The following CDH26 variants were observed in gnomAD, a reference collection of about 807,000 sequenced individuals.
CDH26 encodes cadherin 26.
Under a neutral mutation model 90.3 loss-of-function variants are expected in CDH26, and 83 were observed. The ratio of observed to expected loss-of-function variants is 0.92; its 90% CI spans 0.77 to 1.10. The LOEUF is 1.10. CDH26 is among the 50% of genes least tolerant of loss of function. The pLI, the probability that CDH26 is intolerant of heterozygous loss-of-function variation, is 0.00. For missense variants in CDH26, 1,013 were observed against 1,037.6 expected, an observed-to-expected ratio of 0.98 and a Z score of 0.33; for synonymous variants, 397 against 396.3, an observed-to-expected ratio of 1.00 and a Z score of -0.02.
At chr20:60,023,980 A>G (rs1343874283) in intron 7 of CDH26, among the ~76,000 whole-genome samples, 1 of 151,784 alleles carries the variant, frequency 6.6e-6, no homozygotes. Context: ...AGAGAGAGAG[A>G]GAGAGAGAAA....
rs2061866467 is a variant in CDH26 at position 60,012,858 on chromosome 20, A to G, written c.*128A>G. Reference sequence around the variant, plus strand: ...TACCTTCTAGTCCTAGGATGAGGACACACTATTAGTTTGAATTAAATGCTT... The same window carrying G: ...TACCTTCTAGTCCTAGGATGAGGACGCACTATTAGTTTGAATTAAATGCTT... On this transcript the variant is annotated 3_prime_UTR_variant, in exon 18 of 18. Transcript: ENST00000348616. The G allele has an allele frequency of 2.5e-6, 2 of 790,546 alleles. No homozygotes were observed. The highest frequency in any genetic ancestry group is 1.9e-5 in the South Asian group (1 of 53,966). The allele number at this position is 790,546 out of a possible 1,614,324, so 49.0% of individuals were successfully genotyped here. A position where few individuals can be genotyped will look rare whatever the true frequency, so the allele number is the denominator to read the frequency against.
chr20:60,004,765 C>CAA (rs140015980), intron 16 of CDH26, among the ~76,000 whole-genome samples: 9 of 48,060 alleles, frequency 1.9e-4, no homozygotes, highest in South Asian at 7.9e-4. Flanking sequence ...GACTCCATCT[C>CAA]AAAAAAAAAA....
At chr20:60,026,390 TAG>T (rs60922926) in intron 7 of CDH26, among the ~76,000 whole-genome samples, 44,129 of 138,952 alleles carry the variant, frequency 0.32, 7,382 homozygotes, top group Non-Finnish European at 0.39. Context: ...TGGCTGGAGT[TAG>T]AGAGAGAGAG....
chr20:59,977,805 A>G (rs1243871448), intron 4 of CDH26, among the ~76,000 whole-genome samples: 2 of 152,152 alleles, frequency 1.3e-5, no homozygotes, highest in African/African-American at 4.8e-5. Context: ...CATAGTTTAC[A>G]TTAGGCTTCA....
At position 59,985,153 on chromosome 20, in the gene CDH26, C is replaced by A. The variant is rs112928115; in HGVS notation, c.837+24C>A. The A allele has an allele frequency of 2.2e-5, 36 of 1,611,472 alleles. No individual in the cohort carries two copies. The South Asian group carries it at 3.1e-4, about 14-fold the overall frequency. ...ACGTGAGGCTCCTGGGCCGCCCCAA[C>A]GTCTAAGCCCCAAAACAAGTAGCCC... is the stretch of plus-strand genomic sequence containing the variant. On this transcript the variant is annotated intron_variant, in intron 7 of 17. Transcript: ENST00000348616.
rs751500342 is a variant in CDH26 at position 59,992,381 on chromosome 20, T to C, written c.1287T>C (p.Tyr429=). Reference sequence around the variant, plus strand: ...CTGTCCGTTTTCCTTCTACAAGATATGAACTGGTTCATGACCCAGCAAATT... The same window carrying C: ...CTGTCCGTTTTCCTTCTACAAGATACGAACTGGTTCATGACCCAGCAAATT... ...NAMDPDSQIR[Y]ELVHDPANWV... The change falls in exon 10 of 18, where the codon TAT becomes TAC. Residue 429 remains tyrosine, a synonymous_variant. Coordinates refer to ENST00000348616, the MANE Select transcript of CDH26 (RefSeq NM_177980.4). The surrounding 1 kb of genome is among the most constrained non-coding windows in gnomAD (Gnocchi z 5.0). 2.5e-6 allele frequency: 4 copies of C among 1,613,584 alleles called. No homozygotes were observed. The highest frequency in any genetic ancestry group is 4.5e-5 in the East Asian group (2 of 44,888).
intron 7 of CDH26, among the ~76,000 whole-genome samples, 164 bp from the exon 8 acceptor site, chr20:59,987,289 G>A (rs2061470906): frequency 6.6e-6 from 1 of 152,166 alleles, no homozygotes; most frequent in Non-Finnish European, 1.5e-5. Flanking sequence ...CCTTAGGGCA[G>A]GTTTAGCAGC....
chr20:60,001,591 G>A, intron 15 of CDH26, 180 bp downstream of exon 15: 1 of 985,432 alleles, frequency 1.0e-6, no homozygotes, highest in South Asian at 4.7e-5. Flanking sequence ...ATAGAACTAG[G>A]TATTATTATT....
chr20:60,028,186 A>G (rs1206525801), intron 7 of CDH26, among the ~76,000 whole-genome samples: 2 of 152,232 alleles, frequency 1.3e-5, no homozygotes, highest in African/African-American at 2.4e-5. Flanking sequence ...AGGCTGCTCC[A>G]GTATAACCAC....
At chr20:59,996,873 G>C in intron 13 of CDH26, 112 bp downstream of exon 13, 1 of 1,396,258 alleles carries the variant, frequency 7.2e-7, no homozygotes, top group Admixed American at 2.1e-5. Context: ...ACTCTTACCC[G>C]TGTTTCAGTA....
At position 59,958,705 on chromosome 20, in the gene CDH26, G is replaced by A. The variant is rs749427734; in HGVS notation, c.-22G>A. ...GACTGGTCATCAGCTGCACGTTCTG[G>A]GTCTGTCTTGGGTATTCCCATATGG... On this transcript the variant is annotated 5_prime_UTR_variant, in exon 1 of 18. Coordinates refer to ENST00000348616, the MANE Select transcript of CDH26 (RefSeq NM_177980.4). 6.2e-7 allele frequency: 1 copy of A among 1,613,484 alleles called. No individual in the cohort carries two copies. The highest frequency in any genetic ancestry group is 1.7e-5 in the Admixed American group (1 of 60,012).
In CDH26 at chr20:59,996,463, A is replaced by G. The variant is rs1305453827; in HGVS notation, c.1889-168A>G. On this transcript the variant is annotated intron_variant, in intron 12 of 17. Coordinates refer to ENST00000348616, the MANE Select transcript of CDH26 (RefSeq NM_177980.4). ...TTCAACAAACAGTTATGTAGCATCT[A>G]CTGGTACCCTGGAACTGTGCTGAAC... 18 of 1,606,130 alleles carry G rather than the reference A, an allele frequency of 1.1e-5. 1 individual carries two copies. Among genetic ancestry groups the G allele is most frequent in the South Asian group, 2.2e-5 (2 of 90,828 alleles).
chr20:59,995,899 T>C lies in CDH26; in HGVS notation c.1733T>C (p.Ile578Thr), dbSNP rs758732887. 28 of 1,614,146 alleles carry C rather than the reference T, an allele frequency of 1.7e-5. No individual in the cohort carries two copies. The African/African-American group carries it at 2.3e-4, about 13-fold the overall frequency. The change falls in exon 12 of 18, where the codon ATT (isoleucine) becomes ACT (threonine). Residue 578 changes from isoleucine (I) to threonine (T), a missense_variant. Coordinates refer to ENST00000348616, the MANE Select transcript of CDH26 (RefSeq NM_177980.4). ...GGTAATTACTTGGTGCCACTCTTCA[T>C]TGGAGACAAACAGGGACTTTCCCAG... ...PRGNYLVPLFIGDKQGLSQKQ... is the reference protein window; with the variant it reads ...PRGNYLVPLFTGDKQGLSQKQ...
intron 7 of CDH26, among the ~76,000 whole-genome samples, chr20:60,024,452 A>G (rs2061981471): frequency 6.6e-6 from 1 of 152,224 alleles, no homozygotes. Flanking sequence ...AGTTTTAGTC[A>G]CAGCTCTTCT....
chr20:60,004,448 T>C (rs1404572136), intron 16 of CDH26, among the ~76,000 whole-genome samples: 1 of 151,990 alleles, frequency 6.6e-6, no homozygotes, highest in African/African-American at 2.4e-5. Flanking sequence ...CTGTAGGCAA[T>C]TGGAACACAA....
At chr20:60,007,092 G>A (rs1373757007) in intron 17 of CDH26, among the ~76,000 whole-genome samples, 1 of 152,188 alleles carries the variant, frequency 6.6e-6, no homozygotes, top group African/African-American at 2.4e-5. Flanking sequence ...GAGATACCAA[G>A]CTCCCTGGTA....
chr20:60,025,746 G>A (rs1203967366), intron 7 of CDH26, among the ~76,000 whole-genome samples: 1 of 152,176 alleles, frequency 6.6e-6, no homozygotes, highest in Non-Finnish European at 1.5e-5. Context: ...ATTAAGCAGT[G>A]GGGTAAGTGT....
At chr20:59,961,880 G>A (rs2061079541) in intron 1 of CDH26, among the ~76,000 whole-genome samples, 1 of 152,150 alleles carries the variant, frequency 6.6e-6, no homozygotes, top group Non-Finnish European at 1.5e-5. Flanking sequence ...CAGAGAAGAG[G>A]GAAGTTTTAA....
At position 60,030,571 on chromosome 20, in the gene CDH26, T is replaced by C. The variant is rs550237316; in HGVS notation, c.948-660T>C. On this transcript the variant is annotated intron_variant, in intron 7 of 8. Coordinates refer to the CDH26 transcript ENST00000370991. This position sits in a 1 kb window ranked among gnomAD's most constrained non-coding sequence, Gnocchi z 4.0. ...TAGCCCACCCCGTTGGCCACCACTA[T>C]TAGTTCAGAGATGTGCATTTTACCC... Among the ~76,000 whole-genome samples, 6 of 152,296 alleles carry C rather than the reference T, an allele frequency of 3.9e-5. No individual in the cohort carries two copies. The South Asian group carries it at 1.0e-3, about 26-fold the overall frequency.
Sources: allele counts gnomAD v4.1 joint callset (sites outside exome capture counted in the v4.1 genomes callset), GRCh38; gene constraint gnomAD v4.1.1; non-coding constraint Gnocchi (gnomAD v3.1); transcripts MANE v1.5; gene names NCBI Gene and HGNC (gene_info 2026-07-23, HGNC 2026-07-21).